Variants in PIMREG observed in about 807,000 individuals in gnomAD.
PIMREG encodes the protein protein PIMREG.
PIMREG carries 19 observed loss-of-function variants against 24.3 expected under a neutral mutation model. The observed-to-expected ratio is 0.78, with a 90% CI of 0.54 to 1.15. The LOEUF (loss-of-function observed/expected upper bound fraction) is 1.15, where lower values mean the gene tolerates loss of function less well. PIMREG is among the 50% of genes most tolerant of loss of function. The probability of loss-of-function intolerance (pLI) is 0.00; values close to 1 mark genes in which losing one functional copy is unlikely to be tolerated. For synonymous variants in PIMREG, 112 were observed against 124.1 expected, an observed-to-expected ratio of 0.90 and a Z score of 0.65; for missense variants, 283 against 306.8, an observed-to-expected ratio of 0.92 and a Z score of 0.58.
At chr17:6,449,525 C>A in intron 4 of PIMREG, 118 bp downstream of exon 4, 1 of 1,048,928 alleles carries the variant, frequency 9.5e-7, no homozygotes, top group Non-Finnish European at 1.3e-6. Flanking sequence ...GTCTCTGCCC[C>A]TCTCTGGGCC....
rs996315539 is a variant in PIMREG at position 6,449,730 on chromosome 17, G to A, written c.687-298G>A. ...ACTCTCCGTGGCTCGTCTGTGCCCT[G>A]CCTGCCTATGGAATTGGGAAAAGCA... On this transcript the variant is annotated intron_variant, in intron 4 of 5. Coordinates refer to ENST00000572447, the MANE Select transcript of PIMREG (RefSeq NM_019013.3). The A allele has an allele frequency of 3.3e-5, 46 of 1,397,520 alleles. No individual in the cohort carries two copies. The African/African-American group carries it at 5.9e-4, about 18-fold the overall frequency. 86.6% of individuals were successfully genotyped at this position (1,397,520 alleles called of 1,614,324 possible). A position where few individuals can be genotyped will look rare whatever the true frequency, so the allele number is the denominator to read the frequency against.
Position 6,449,516 on chromosome 17 carries a change from T to C in PIMREG, c.686+109T>C, listed in dbSNP as rs1005510044. ...TGACCTGCTGTGTGACCCTGGCCAG[T>C]CTCTGCCCCTCTCTGGGCCTCAGTC... On this transcript the variant is annotated intron_variant, in intron 4 of 5. Coordinates refer to ENST00000572447, the MANE Select transcript of PIMREG (RefSeq NM_019013.3). 8 of 1,065,766 alleles carry C rather than the reference T, an allele frequency of 7.5e-6. No homozygotes were observed. In the Middle Eastern group the frequency reaches 8.3e-4, roughly 111 times the overall value. 66.0% of individuals were successfully genotyped at this position (1,065,766 alleles called of 1,614,324 possible).
In PIMREG at chr17:6,445,075, G is replaced by A; in HGVS notation, c.-35-1G>A. ...GATCTGCCTTTCGCCCTCCTCCCCAGGGTCTAGTGGACAGAGAAGACTCTT... is the reference window on the plus strand; with the variant it reads ...GATCTGCCTTTCGCCCTCCTCCCCAAGGTCTAGTGGACAGAGAAGACTCTT... On this transcript the variant is annotated splice_acceptor_variant, in intron 1 of 5. Coordinates refer to ENST00000572447, the MANE Select transcript of PIMREG (RefSeq NM_019013.3). LOFTEE classifies it low-confidence loss of function (5UTR_SPLICE). 6.5e-7 allele frequency: 1 copy of A among 1,532,912 alleles called. No individual in the cohort carries two copies. The highest frequency in any genetic ancestry group is 2.1e-5 in the Admixed American group (1 of 47,410). The allele number at this position is 1,532,912 out of a possible 1,614,324, so 95.0% of individuals were successfully genotyped here. A position where few individuals can be genotyped will look rare whatever the true frequency, so the allele number is the denominator to read the frequency against.
intron 2 of PIMREG, 42 bp downstream of exon 2, chr17:6,445,446 C>A: frequency 6.4e-7 from 1 of 1,557,044 alleles, no homozygotes; most frequent in South Asian, 1.2e-5. Context: ...TGGAGTGTTT[C>A]CTTGGTGCCA....
chr17:6,448,282 C>CAAAAAAAAAAAAAAAAAAAA (rs71154695), intron 3 of PIMREG, among the ~76,000 whole-genome samples: 9 of 41,302 alleles, frequency 2.2e-4, no homozygotes, highest in South Asian at 1.4e-3. Context: ...GACCCTGTCT[C>CAAAAAAAAAAAAAAAAAAAA]AAAAAAAAAA....
rs772705756 is a variant in PIMREG, at chr17:6,449,800, T to C, written c.687-228T>C. The C allele has an allele frequency of 2.1e-6, 3 of 1,423,426 alleles. No homozygotes were observed. In the African/African-American group the frequency reaches 4.3e-5, roughly 20 times the overall value. The allele number at this position is 1,423,426 out of a possible 1,614,324, so 88.2% of individuals were successfully genotyped here. ...CCTGGTCTGTCTGCTCATGGCCCCA[T>C]CCTGGGGGCAGGGCCTCGGTTGTGG... On this transcript the variant is annotated intron_variant, in intron 4 of 5. Coordinates refer to ENST00000572447, the MANE Select transcript of PIMREG (RefSeq NM_019013.3).
intron 2 of PIMREG, chr17:6,446,203 C>T: frequency 2.5e-6 from 1 of 401,136 alleles, no homozygotes. Flanking sequence ...TGTCTGTGGA[C>T]CCTTCAAGGG....
chr17:6,449,776 CTGGTCTGTCTGCTCA>C, intron 4 of PIMREG: 1 of 1,413,198 alleles, frequency 7.1e-7, no homozygotes, highest in South Asian at 1.7e-5. Context: ...TATGGAGTTC[CTGGTCTGTCTGCTCA>C]TGGCCCCATC....
rs922256965 is a variant in PIMREG, at chr17:6,451,195, A to T, written c.*848A>T. On this transcript the variant is annotated 3_prime_UTR_variant, in exon 6 of 6. Transcript: ENST00000572447. ...TCTGCTCCGAGCCAGTCTGCCCCCA[A>T]TCCCACCCCAGGGAGAACATGTAGA... 1 of 152,146 alleles carries T rather than the reference A, an allele frequency of 6.6e-6. No homozygotes were observed. The highest frequency in any genetic ancestry group is 1.5e-5 in the Non-Finnish European group (1 of 68,048). The allele number at this position is 152,146 out of a possible 1,614,324, so 9.4% of individuals were successfully genotyped here. A position where few individuals can be genotyped will look rare whatever the true frequency, so the allele number is the denominator to read the frequency against.
Position 6,444,777 on chromosome 17 carries a change from A to G in PIMREG, c.-36+289A>G, listed in dbSNP as rs62061022. Among the ~76,000 whole-genome samples the G allele has an allele frequency of 0.42, 63,215 of 151,718 alleles. 14,239 individuals are homozygous for G. Among genetic ancestry groups the G allele is most frequent in the Non-Finnish European group, 0.52 (35,202 of 67,904 alleles). ...GATCGTGTCCTGGGCCCAGCGCTGA[A>G]GCTCGGCTACGGCGTGTCTTGACCC... is the stretch of plus-strand genomic sequence containing the variant. On this transcript the variant is annotated intron_variant, in intron 1 of 5. Transcript: ENST00000572447. The surrounding 1 kb of genome is among the most constrained non-coding windows in gnomAD (Gnocchi z 4.3).
chr17:6,446,907 G>C (rs1171507214), intron 2 of PIMREG, among the ~76,000 whole-genome samples: 3 of 152,200 alleles, frequency 2.0e-5, no homozygotes, highest in Non-Finnish European at 4.4e-5. Context: ...CAGGCACCAG[G>C]GGGGTCCTCC....
At chr17:6,450,292 A>G in intron 5 of PIMREG, 70 bp from the exon 6 acceptor site, 2 of 1,373,160 alleles carry the variant, frequency 1.5e-6, no homozygotes, top group Admixed American at 4.1e-5. Flanking sequence ...CCCACCCCGC[A>G]GTGAGCAGGG....
intron 3 of PIMREG, among the ~76,000 whole-genome samples, chr17:6,448,363 G>A (rs899080591): frequency 4.7e-5 from 7 of 149,756 alleles, no homozygotes; most frequent in Non-Finnish European, 8.9e-5. Flanking sequence ...TCAACTTTCC[G>A]GCTGAGTTCT....
chr17:6,449,267 G>A (rs768948181), intron 3 of PIMREG, 45 bp from the exon 4 acceptor site: 40 of 1,548,388 alleles, frequency 2.6e-5, no homozygotes, highest in Middle Eastern at 3.8e-4. Flanking sequence ...GTCTCCTGCC[G>A]GGAGTTTCCA....
chr17:6,445,006 G>A, intron 1 of PIMREG, 70 bp from the exon 2 acceptor site: 1 of 1,274,160 alleles, frequency 7.8e-7, no homozygotes. Flanking sequence ...CCTGTGTCCA[G>A]GGTCTCTGTG....
Position 6,448,282 on chromosome 17 carries a change from CAA to C in PIMREG, c.590+543_590+544del, listed in dbSNP as rs71154695. Among the ~76,000 whole-genome samples the C allele has an allele frequency of 2.2e-3, 90 of 41,302 alleles. 1 individual carries two copies. The highest frequency in any genetic ancestry group is 4.2e-3 in the African/African-American group (44 of 10,558). The allele number at this position is 41,302 out of a possible 152,430, so 27.1% of individuals were successfully genotyped here. A position where few individuals can be genotyped will look rare whatever the true frequency, so the allele number is the denominator to read the frequency against. ...AGGGCCACAGAGCCAGACCCTGTCT[CAA>C]AAAAAAAAAAAAAAAAAAGAGAGAG... On this transcript the variant is annotated intron_variant, in intron 3 of 5. Coordinates refer to ENST00000572447, the MANE Select transcript of PIMREG (RefSeq NM_019013.3).
chr17:6,449,021 A>C (rs769703801), intron 3 of PIMREG, among the ~76,000 whole-genome samples: 1 of 152,148 alleles, frequency 6.6e-6, no homozygotes, highest in Non-Finnish European at 1.5e-5. Flanking sequence ...AATCACACTC[A>C]CCCAAGCCTC....
At chr17:6,450,298 C>A in intron 5 of PIMREG, 64 bp from the exon 6 acceptor site, 1 of 1,417,032 alleles carries the variant, frequency 7.1e-7, no homozygotes, top group Non-Finnish European at 9.6e-7. Flanking sequence ...CCGCAGTGAG[C>A]AGGGAAAGGC....
chr17:6,446,653 A>G (rs868188668), intron 2 of PIMREG, among the ~76,000 whole-genome samples: 6 of 152,206 alleles, frequency 3.9e-5, no homozygotes, highest in South Asian at 2.1e-4. Context: ...TCCTATGGGC[A>G]ACAAGAAGCC....
Sources: gnomAD v4.1 joint callset for allele counts (sites outside exome capture counted in the v4.1 genomes callset) on GRCh38, gnomAD v4.1.1 for gene constraint, Gnocchi (gnomAD v3.1) non-coding constraint, MANE v1.5 for transcripts, NCBI Gene and HGNC (gene_info 2026-07-23, HGNC 2026-07-21) for gene names.